APOB: variants seen among roughly 807,000 people sequenced by gnomAD.
APOB encodes the protein apolipoprotein B-100.
A neutral mutation model predicts 314.1 loss-of-function variants in APOB; 153 were observed. The observed-to-expected ratio is 0.49, with a 90% CI of 0.43 to 0.56. The LOEUF is 0.56. APOB is among the 20% of genes least tolerant of loss of function. The pLI is 0.00. For missense variants in APOB, 5,430 were observed against 5,350.7 expected, an observed-to-expected ratio of 1.01 and a Z score of -0.46; for synonymous variants, 2,087 against 2,036.4, an observed-to-expected ratio of 1.02 and a Z score of -0.67.
intron 10 of APOB, among the ~76,000 whole-genome samples, chr2:21,030,464 A>G (rs1663845300): frequency 6.6e-6 from 1 of 152,238 alleles, no homozygotes; most frequent in South Asian, 2.1e-4. Flanking sequence ...AGATGGATCA[A>G]AGACTTAAAT....
Position 21,014,199 on chromosome 2 carries a change from C to T in APOB, c.3842+249G>A, listed in dbSNP as rs34914206. Among the ~76,000 whole-genome samples, 639 of 152,310 alleles carry T rather than the reference C, an allele frequency of 4.2e-3. 1 individual carries two copies. The highest frequency in any genetic ancestry group is 6.9e-3 in the Non-Finnish European group (470 of 68,028). On this transcript the variant is annotated intron_variant, in intron 24 of 28. Coordinates refer to ENST00000233242, the MANE Select transcript of APOB (RefSeq NM_000384.3). ...GAGAATTTGCTTATAACAGGTTGTA[C>T]TGAATAAAATATCTTAGGGTGAAAG...
At position 21,004,617 on chromosome 2, in the gene APOB, A is replaced by G. The variant is rs1438110948; in HGVS notation, c.11847T>C (p.Phe3949=). ...ATTCTGCACTGAAGTCACGGTGTGC[A>G]AATGTTCCTTTAGTCTTAGAGGCTA... ...GTLASKTKGT[F]AHRDFSAEYE... Residue 3949 remains phenylalanine, a synonymous_variant, in exon 27 of 29, where the codon TTT becomes TTC. Coordinates refer to ENST00000233242, the MANE Select transcript of APOB (RefSeq NM_000384.3). The G allele has an allele frequency of 1.9e-6, 3 of 1,614,016 alleles. No homozygotes were observed. Among genetic ancestry groups the G allele is most frequent in the Non-Finnish European group, 2.5e-6 (3 of 1,179,874 alleles).
Position 21,008,553 on chromosome 2 carries a change from T to A in APOB, c.8315A>T (p.Asp2772Val). 2 of 1,614,146 alleles carry A rather than the reference T, an allele frequency of 1.2e-6. No individual in the cohort carries two copies. The highest frequency in any genetic ancestry group is 1.3e-5 in the African/African-American group (1 of 75,046). Residue 2772 changes from aspartate to valine, a missense_variant, in exon 26 of 29, where the codon GAT (aspartate) becomes GTT (valine). This residue lies in a region of APOB where 3,281 missense variants were observed against 3,171.0 expected (regional missense o/e 1.03). Coordinates refer to ENST00000233242, the MANE Select transcript of APOB (RefSeq NM_000384.3). ...LKIQSPLFTL[D>V]ANADIGNGTT... ...TCCATTCCCTATGTCAGCATTTGCATCTAATGTGAAAAGAGGAGATTGGAT... is the reference window on the plus strand; with the variant it reads ...TCCATTCCCTATGTCAGCATTTGCAACTAATGTGAAAAGAGGAGATTGGAT...
In APOB at chr2:21,010,170, A is replaced by G. The variant is rs1176839033; in HGVS notation, c.6698T>C (p.Ile2233Thr). The change falls in exon 26 of 29, where the codon ATT (isoleucine) becomes ACT (threonine). Residue 2233 changes from isoleucine to threonine, a missense_variant. By Grantham distance (89) the Ile-to-Thr change is moderately conservative. Around this residue, in one of 3 missense-constraint regions of APOB, gnomAD observed 3,281 missense variants for 3,171.0 expected, o/e 1.03. Transcript: ENST00000233242. ...VKTIHDLHLF[I>T]ENIDFNKSGS... ...ACTTTTGTTAAAATCAATATTTTCAATAAACAAATGTAGATCATGGATTGT... is the reference window on the plus strand; with the variant it reads ...ACTTTTGTTAAAATCAATATTTTCAGTAAACAAATGTAGATCATGGATTGT... 33 of 1,601,438 alleles carry G rather than the reference A, an allele frequency of 2.1e-5. No individual in the cohort carries two copies. Among genetic ancestry groups the G allele is most frequent in the Non-Finnish European group, 2.7e-5 (32 of 1,171,142 alleles).
chr2:21,040,684 G>C (rs2103387193), intron 4 of APOB, among the ~76,000 whole-genome samples: 1 of 152,202 alleles, frequency 6.6e-6, no homozygotes, highest in South Asian at 2.1e-4. Context: ...AAGCATCTCA[G>C]TTTTATAATC....
intron 21 of APOB, 59 bp downstream of exon 21, chr2:21,016,380 T>G: frequency 1.1e-6 from 1 of 883,096 alleles, no homozygotes; most frequent in South Asian, 1.3e-5. Context: ...GGAAGAGGAA[T>G]AATGAAAAGA....
At chr2:21,043,381 C>T (rs1020929180) in intron 2 of APOB, 132 bp downstream of exon 2, 1 of 1,078,490 alleles carries the variant, frequency 9.3e-7, no homozygotes, top group Non-Finnish European at 1.4e-6. Flanking sequence ...AGGGAACTTG[C>T]TTCCTGGGGT....
rs747111881 is a variant in APOB at position 21,010,771 on chromosome 2, G to A, written c.6097C>T (p.Pro2033Ser). ...TCTAAAGCATCAATGATATTGATGG[G>A]CTCACTGAGTAAAAGTGGCACTTTA... The part of the protein sequence containing the change: ...PIKVPLLLSE[P>S]INIIDALEMR... Residue 2033 changes from proline to serine, a missense_variant, in exon 26 of 29, where the codon CCC becomes TCC. Pro to Ser is a moderately conservative substitution (Grantham distance 74). This residue lies in a region of APOB where 3,281 missense variants were observed against 3,171.0 expected (regional missense o/e 1.03). Coordinates refer to ENST00000233242, the MANE Select transcript of APOB (RefSeq NM_000384.3). 1.9e-6 allele frequency: 3 copies of A among 1,613,980 alleles called. No homozygotes were observed. In the Admixed American group the frequency reaches 5.0e-5, roughly 27 times the overall value.
Position 21,008,732 on chromosome 2 carries a change from A to G in APOB, c.8136T>C (p.Arg2712=), listed in dbSNP as rs745932963. 5.6e-6 allele frequency: 9 copies of G among 1,614,072 alleles called. No homozygotes were observed. The highest frequency in any genetic ancestry group is 7.6e-6 in the Non-Finnish European group (9 of 1,179,978). ...ATTCTGGAATTGCGATTTCTGGTAA[A>G]CGGAAGTCTGGCAGGGTGATTCTCG... ...PLARITLPDF[R]LPEIAIPEFI... Residue 2712 remains arginine, a synonymous_variant, in exon 26 of 29, where the codon CGT becomes CGC. Transcript: ENST00000233242.
In APOB at chr2:21,019,659, C is replaced by A. The variant is rs1663550299; in HGVS notation, c.2999+64G>T. 6 of 1,521,182 alleles carry A rather than the reference C, an allele frequency of 3.9e-6. No individual in the cohort carries two copies. In the Admixed American group the frequency reaches 1.0e-4, roughly 26 times the overall value. 94.2% of individuals were successfully genotyped at this position (1,521,182 alleles called of 1,614,324 possible). ...CAACACAGAGTATTTTTTCCTGTGCCATGCTAGGTGGCCATGATGTGGAAG... is the reference window on the plus strand; with the variant it reads ...CAACACAGAGTATTTTTTCCTGTGCAATGCTAGGTGGCCATGATGTGGAAG... On this transcript the variant is annotated intron_variant, in intron 19 of 28. Coordinates refer to ENST00000233242, the MANE Select transcript of APOB (RefSeq NM_000384.3).
chr2:21,011,637 C>A lies in APOB; in HGVS notation c.5231G>T (p.Gly1744Val), dbSNP rs1663322960. The part of the protein sequence containing the change: ...EGLKLSNDMM[G>V]SYAEMKFDHT... ...GTCAAATTTCATTTCAGCATATGAG[C>A]CCATCATGTCATTTGAGAGCTTAAG... The change falls in exon 26 of 29, where the codon GGC becomes GTC. Residue 1744 changes from glycine to valine, a missense_variant. Around this residue, in one of 3 missense-constraint regions of APOB, gnomAD observed 2,085 missense variants for 2,079.7 expected, o/e 1.00. Coordinates refer to ENST00000233242, the MANE Select transcript of APOB (RefSeq NM_000384.3). 1 of 1,614,140 alleles carries A rather than the reference C, an allele frequency of 6.2e-7. No individual in the cohort carries two copies. Among genetic ancestry groups the A allele is most frequent in the Non-Finnish European group, 8.5e-7 (1 of 1,180,024 alleles).
At position 21,009,802 on chromosome 2, in the gene APOB, C is replaced by G; in HGVS notation, c.7066G>C (p.Val2356Leu). The part of the protein sequence containing the change: ...ERYEVDQQIQ[V>L]LMDKLVELAH... ...AACTCTACTAATTTATCCATTAAAA[C>G]CTGGATTTGTTGGTCTACTTCATAC... Residue 2356 changes from valine (V) to leucine (L), a missense_variant, in exon 26 of 29, where the codon GTT becomes CTT. This residue lies in a region of APOB where 3,281 missense variants were observed against 3,171.0 expected (regional missense o/e 1.03). Coordinates refer to ENST00000233242, the MANE Select transcript of APOB (RefSeq NM_000384.3). The G allele has an allele frequency of 1.9e-6, 3 of 1,614,042 alleles. No homozygotes were observed. The highest frequency in any genetic ancestry group is 1.7e-6 in the Non-Finnish European group (2 of 1,179,980).
Position 21,028,486 on chromosome 2 carries a change from T to C in APOB, c.1670A>G (p.Lys557Arg). The C allele has an allele frequency of 1.2e-6, 2 of 1,613,934 alleles. No individual in the cohort carries two copies. Among genetic ancestry groups the C allele is most frequent in the East Asian group, 2.2e-5 (1 of 44,888 alleles). Residue 557 changes from lysine to arginine, a missense_variant, in exon 13 of 29, where the codon AAG (lysine) becomes AGG (arginine). Transcript: ENST00000233242. Reference sequence around the variant, plus strand: ...CAACATAAGATAGGCAGCCAGTCGCTTATCTCCCGGAGAAGCATCATCAAG... The same window carrying C: ...CAACATAAGATAGGCAGCCAGTCGCCTATCTCCCGGAGAAGCATCATCAAG... ...TFLDDASPGD[K>R]RLAAYLMLMR...
chr2:21,003,640 A>G (rs1227262197), intron 28 of APOB, among the ~76,000 whole-genome samples: 1 of 152,096 alleles, frequency 6.6e-6, no homozygotes, highest in African/African-American at 2.4e-5. Flanking sequence ...GAGTGGGGGG[A>G]AGAGAAAGAA....
chr2:21,027,676 G>A lies in APOB; in HGVS notation c.2067+152C>T, dbSNP rs879577285. The A allele has an allele frequency of 2.6e-5, 19 of 717,968 alleles. No individual in the cohort carries two copies. The Middle Eastern group carries it at 7.5e-4, about 28-fold the overall frequency. The allele number at this position is 717,968 out of a possible 1,614,324, so 44.5% of individuals were successfully genotyped here. A position where few individuals can be genotyped will look rare whatever the true frequency, so the allele number is the denominator to read the frequency against. On this transcript the variant is annotated intron_variant, in intron 14 of 28. Coordinates refer to ENST00000233242, the MANE Select transcript of APOB (RefSeq NM_000384.3). ...ACCCCTAGCGGGGAGAGAGGAAGGC[G>A]GGGAAGGAGGGAAAGAAGAAAGCCT...
At position 21,012,095 on chromosome 2, in the gene APOB, GA is replaced by G. The variant is rs1663340804; in HGVS notation, c.4772del (p.Phe1591SerfsTer19). 6.2e-7 allele frequency: 1 copy of G among 1,613,734 alleles called. No homozygotes were observed. The highest frequency in any genetic ancestry group is 8.5e-7 in the Non-Finnish European group (1 of 1,179,814). ...AACGCAGCAGTGCATTTTGCTTAGA[GA>G]AGGTCATATCCATCTTGTTAGAAGT... Reference protein sequence around the residue: ...FATSNKMDMTFSKQNALLRSE... With the variant: ...FATSNKMDMTXSKQNALLRSE... On this transcript the variant is annotated frameshift_variant, in exon 26 of 29. Transcript: ENST00000233242. LOFTEE classifies it high-confidence loss of function.
At chr2:21,016,998 T>TAAAAA (rs1369293854) in intron 20 of APOB, among the ~76,000 whole-genome samples, 4 of 120,162 alleles carry the variant, frequency 3.3e-5, no homozygotes, top group African/African-American at 1.3e-4. Context: ...AATAAATAAA[T>TAAAAA]AAATAAATAA....
chr2:21,006,172 T>C lies in APOB; in HGVS notation c.10696A>G (p.Ser3566Gly). The C allele has an allele frequency of 6.2e-7, 1 of 1,614,080 alleles. No homozygotes were observed. Among genetic ancestry groups the C allele is most frequent in the Non-Finnish European group, 8.5e-7 (1 of 1,179,968 alleles). ...TCTAGCTGTAAGTGGTTTTTCGTAC[T>C]GTGCTCCCAGAGGGAATATATGCGT... ...LQRIYSLWEH[S>G]TKNHLQLEGL... The change falls in exon 26 of 29, where the codon AGT (serine) becomes GGT (glycine). Residue 3566 changes from serine (S) to glycine (G), a missense_variant. By Grantham distance (56) the Ser-to-Gly change is moderately conservative (BLOSUM62 0). This residue lies in a region of APOB where 3,281 missense variants were observed against 3,171.0 expected (regional missense o/e 1.03). Transcript: ENST00000233242.
chr2:21,027,798 G>C (rs1465305503), intron 14 of APOB, 30 bp downstream of exon 14: 1 of 1,540,716 alleles, frequency 6.5e-7, no homozygotes, highest in Non-Finnish European at 9.0e-7. Flanking sequence ...TACAAAATGG[G>C]CTAGAGAACC....
Sources: gnomAD v4.1 joint callset for allele counts (sites outside exome capture counted in the v4.1 genomes callset) on GRCh38, gnomAD v4.1.1 for gene constraint, gnomAD v4.1.1 regional missense constraint, MANE v1.5 for transcripts, NCBI Gene and HGNC (gene_info 2026-07-23, HGNC 2026-07-21) for gene names.